The following HS6ST3 variants were observed in gnomAD, a reference collection of about 807,000 sequenced individuals.
HS6ST3 encodes heparan sulfate 6-O-sulfotransferase 3, also known as heparan-sulfate 6-O-sulfotransferase 3.
HS6ST3 carries 12 observed loss-of-function variants against 36.7 expected under a neutral mutation model. That is an observed-to-expected ratio of 0.33 (90% CI 0.21 to 0.53). The LOEUF (loss-of-function observed/expected upper bound fraction) is 0.53. Ranked by LOEUF, HS6ST3 falls within the 20% of genes least tolerant of loss-of-function variation. HS6ST3 has a pLI of 0.95. For missense variants in HS6ST3, 584 were observed against 640.9 expected (o/e 0.91, Z 0.96); for synonymous variants, 240 against 257.5 (o/e 0.93, Z 0.65).
chr13:96,322,376 C>T (rs897754209), intron 1 of HS6ST3, among the ~76,000 whole-genome samples: 1 of 90,122 alleles, frequency 1.1e-5, no homozygotes, highest in African/African-American at 4.6e-5. Context: ...GAAATCCCAT[C>T]TCTCCAGAAA....
intron 1 of HS6ST3, among the ~76,000 whole-genome samples, chr13:96,556,772 C>A (rs2056242584): frequency 6.6e-6 from 1 of 152,162 alleles, no homozygotes; most frequent in Non-Finnish European, 1.5e-5. Context: ...TCCCAACCAT[C>A]CACTTCTATG....
At chr13:96,370,222 T>C (rs758507562) in intron 1 of HS6ST3, among the ~76,000 whole-genome samples, 5 of 152,178 alleles carry the variant, frequency 3.3e-5, no homozygotes, top group Non-Finnish European at 7.3e-5. Context: ...CCCGAGTGAT[T>C]CTAATATACA....
intron 1 of HS6ST3, among the ~76,000 whole-genome samples, chr13:96,358,930 C>T (rs2055223819): frequency 6.6e-6 from 1 of 151,228 alleles, no homozygotes; most frequent in Admixed American, 6.6e-5. Flanking sequence ...AGAGAGATGA[C>T]ACAGAGAGCA....
At chr13:96,333,705 G>A (rs903801365) in intron 1 of HS6ST3, among the ~76,000 whole-genome samples, 3 of 152,162 alleles carry the variant, frequency 2.0e-5, no homozygotes, top group Admixed American at 6.5e-5. Flanking sequence ...TTTGGGGGTA[G>A]GTGCTTTATA....
rs143867156 is a variant in HS6ST3, at chr13:96,367,123, A to T, written c.707+275554A>T. Among the ~76,000 whole-genome samples the T allele has an allele frequency of 1.5e-3, 234 of 152,296 alleles. 2 individuals carry two copies. Among genetic ancestry groups the T allele is most frequent in the African/African-American group, 5.4e-3 (223 of 41,558 alleles). ...CTCTAAGGAATAAATTGCTAAACTG[A>T]GCCATGAATAATTATGATTTGCATT... On this transcript the variant is annotated intron_variant, in intron 1 of 1. Transcript: ENST00000376705.
At chr13:96,522,972 T>C (rs1343348435) in intron 1 of HS6ST3, among the ~76,000 whole-genome samples, 1 of 152,226 alleles carries the variant, frequency 6.6e-6, no homozygotes, top group African/African-American at 2.4e-5. Flanking sequence ...GTCTTTACAA[T>C]TTGGCATGTT....
intron 1 of HS6ST3, among the ~76,000 whole-genome samples, chr13:96,348,650 A>G (rs1336809825): frequency 6.6e-6 from 1 of 152,200 alleles, no homozygotes; most frequent in East Asian, 1.9e-4. Context: ...CAAGGACTGC[A>G]GGCATCTATT....
At chr13:96,206,148 T>C (rs1425950535) in intron 1 of HS6ST3, among the ~76,000 whole-genome samples, 1 of 152,002 alleles carries the variant, frequency 6.6e-6, no homozygotes, top group African/African-American at 2.4e-5. Context: ...CAAAAATCTC[T>C]TGTATTCCTA....
At chr13:96,321,389 C>T (rs999884976) in intron 1 of HS6ST3, among the ~76,000 whole-genome samples, 4 of 152,132 alleles carry the variant, frequency 2.6e-5, no homozygotes, top group Admixed American at 6.5e-5. Context: ...TATCACCACT[C>T]CTTTGCAGAT....
intron 1 of HS6ST3, among the ~76,000 whole-genome samples, chr13:96,235,638 A>G (rs1035938934): frequency 1.3e-5 from 2 of 152,102 alleles, no homozygotes; most frequent in African/African-American, 4.8e-5. Context: ...AGATTTAGCA[A>G]TCTCCTCCCC....
At chr13:96,582,822 A>G (rs1178772313) in intron 1 of HS6ST3, among the ~76,000 whole-genome samples, 2 of 152,204 alleles carry the variant, frequency 1.3e-5, no homozygotes, top group African/African-American at 2.4e-5. Context: ...TCATGCATGC[A>G]TAGTGTTGCC....
intron 1 of HS6ST3, among the ~76,000 whole-genome samples, chr13:96,122,183 G>A (rs903993790): frequency 4.0e-5 from 6 of 150,246 alleles, no homozygotes; most frequent in African/African-American, 9.8e-5. Context: ...TTGAGGCACG[G>A]AGAAGTAATT....
intron 1 of HS6ST3, among the ~76,000 whole-genome samples, chr13:96,721,577 T>TA (rs1384018820): frequency 1.3e-5 from 2 of 152,300 alleles, no homozygotes; most frequent in South Asian, 4.1e-4. Context: ...ATTCTATACT[T>TA]ACAGATTTCT....
At chr13:96,143,199 C>G (rs990015413) in intron 1 of HS6ST3, among the ~76,000 whole-genome samples, 8 of 151,888 alleles carry the variant, frequency 5.3e-5, no homozygotes, top group African/African-American at 1.9e-4. Context: ...TATAATGAAG[C>G]TAATATCACT....
chr13:96,337,381 G>A (rs1030911361), intron 1 of HS6ST3, among the ~76,000 whole-genome samples: 3 of 152,154 alleles, frequency 2.0e-5, no homozygotes, highest in African/African-American at 7.2e-5. Context: ...AGCCAGTTTG[G>A]ATTTTTTTCT....
intron 1 of HS6ST3, among the ~76,000 whole-genome samples, chr13:96,304,208 A>G (rs2054897922): frequency 6.6e-6 from 1 of 151,580 alleles, no homozygotes; most frequent in African/African-American, 2.4e-5. Context: ...TTTTCTACTC[A>G]TGCAGATTCT....
rs1168822283 is a variant in HS6ST3, at chr13:96,360,668, C to T, written c.707+269099C>T. The stretch of plus-strand genomic sequence containing the variant: ...TATCAAAAAAAAAAAAAAAAAAGTC[C>T]GGTGCAGTGGCTCAACGCCTGTAAT... On this transcript the variant is annotated intron_variant, in intron 1 of 1. Coordinates refer to ENST00000376705, the MANE Select transcript of HS6ST3 (RefSeq NM_153456.4). Among the ~76,000 whole-genome samples the T allele has an allele frequency of 5.4e-5, 8 of 148,028 alleles. No individual in the cohort carries two copies. In the South Asian group the frequency reaches 8.4e-4, roughly 16 times the overall value.
chr13:96,111,224 A>G (rs957112544), intron 1 of HS6ST3, among the ~76,000 whole-genome samples: 1 of 152,220 alleles, frequency 6.6e-6, no homozygotes. Context: ...AGCATATATA[A>G]TTAAGAACAG....
intron 1 of HS6ST3, among the ~76,000 whole-genome samples, chr13:96,152,333 TTTG>T (rs1555388357): frequency 5.9e-4 from 46 of 78,426 alleles, no homozygotes; most frequent in Admixed American, 1.1e-3. Context: ...TTTTTTTTTT[TTTG>T]TTGTTGTTGT....
Sources: allele counts gnomAD v4.1 joint callset (sites outside exome capture counted in the v4.1 genomes callset), GRCh38; gene constraint gnomAD v4.1.1; transcripts MANE v1.5; gene names NCBI Gene and HGNC (gene_info 2026-07-23, HGNC 2026-07-21).